The following GPLD1 variants were observed in gnomAD, a reference collection of about 807,000 sequenced individuals.
GPLD1 encodes the protein phosphatidylinositol-glycan-specific phospholipase D.
Under a neutral mutation model 112.6 loss-of-function variants are expected in GPLD1, and 84 were observed. The ratio of observed to expected loss-of-function variants is 0.75; its 90% confidence interval spans 0.63 to 0.89. The LOEUF (loss-of-function observed/expected upper bound fraction) is 0.89. Among genes scored for constraint, GPLD1 ranks in the 40% least tolerant of loss-of-function variants. The pLI, the probability that GPLD1 is intolerant of heterozygous loss-of-function variation, is 0.00. For missense variants in GPLD1, 1,044 were observed against 1,051.5 expected, an observed-to-expected ratio of 0.99 and a Z score of 0.10; for synonymous variants, 386 against 403.8, an observed-to-expected ratio of 0.96 and a Z score of 0.53.
intron 15 of GPLD1, among the ~76,000 whole-genome samples, chr6:24,449,026 A>C (rs1762998357): frequency 6.6e-6 from 1 of 152,080 alleles, no homozygotes. Context: ...CAGGATGCTA[A>C]GTGGGGACAA....
At chr6:24,463,556 C>T (rs114364430) in intron 10 of GPLD1, among the ~76,000 whole-genome samples, 2,093 of 152,310 alleles carry the variant, frequency 0.014, 23 homozygotes, top group African/African-American at 0.038. Flanking sequence ...AAAAGGTTCT[C>T]TCTTTGGACC....
At chr6:24,431,663 T>C (rs1294446441) in intron 24 of GPLD1, among the ~76,000 whole-genome samples, 4 of 151,690 alleles carry the variant, frequency 2.6e-5, no homozygotes, top group Admixed American at 6.6e-5. Flanking sequence ...GTCTCCCGAA[T>C]AGCTGAGACT....
intron 20 of GPLD1, among the ~76,000 whole-genome samples, chr6:24,438,096 T>C (rs1762637027): frequency 6.6e-6 from 1 of 152,208 alleles, no homozygotes; most frequent in African/African-American, 2.4e-5. Flanking sequence ...GGACATGAGC[T>C]GTGCCCAGTG....
intron 20 of GPLD1, among the ~76,000 whole-genome samples, chr6:24,439,767 C>T (rs1235911564): frequency 3.9e-5 from 6 of 152,218 alleles, no homozygotes; most frequent in Non-Finnish European, 8.8e-5. Flanking sequence ...AAAAGGGCTA[C>T]ATGCAGAGGC....
rs2127378795 is a variant in GPLD1 at position 24,495,038 on chromosome 6, C to T, written n.168G>A. The T allele has an allele frequency of 7.4e-7, 1 of 1,351,326 alleles. No homozygotes were observed. The allele number at this position is 1,351,326 out of a possible 1,614,324, so 83.7% of individuals were successfully genotyped here. A position where few individuals can be genotyped will look rare whatever the true frequency, so the allele number is the denominator to read the frequency against. On this transcript the variant is annotated non_coding_transcript_exon_variant, in exon 1 of 11. Coordinates refer to the GPLD1 transcript ENST00000474784. ...GGCTGCGGAGCTGTGGGGCCCGGCG[C>T]CTCGGGTCGACGTTTCCAGGCTGCC...
At chr6:24,453,896 C>A in intron 14 of GPLD1, 119 bp downstream of exon 14, 1 of 684,864 alleles carries the variant, frequency 1.5e-6, no homozygotes, top group Non-Finnish European at 2.6e-6. Context: ...AAATGTACAC[C>A]ACCAGCTGTT....
At position 24,466,700 on chromosome 6, in the gene GPLD1, G is replaced by A. The variant is rs1433385269; in HGVS notation, c.801C>T (p.Phe267=). 2 of 1,612,614 alleles carry A rather than the reference G, an allele frequency of 1.2e-6. No homozygotes were observed. The highest frequency in any genetic ancestry group is 1.7e-6 in the Non-Finnish European group (2 of 1,178,768). ...WSTNIYHLTS[F]MLENGTSDCN... ...TTCACCTGGTCCCATTCTCCAACAT[G>A]AAGCTTGTTAGATGGTAAATATTAG... Residue 267 remains phenylalanine (F), a synonymous_variant, in exon 10 of 25, where the codon TTC becomes TTT. Transcript: ENST00000230036.
At chr6:24,453,219 C>G (rs7755403) in intron 14 of GPLD1, among the ~76,000 whole-genome samples, 53,694 of 152,032 alleles carry the variant, frequency 0.35, 9,754 homozygotes, top group East Asian at 0.46. Context: ...TAGTGATGTA[C>G]AGTGTTGTTT....
At chr6:24,479,808 ATT>A (rs1764141686) in intron 3 of GPLD1, 71 bp downstream of exon 3, 2 of 763,592 alleles carry the variant, frequency 2.6e-6, no homozygotes, top group Non-Finnish European at 4.7e-6. Flanking sequence ...ATATATATAT[ATT>A]TTTAAAGTCA....
chr6:24,493,096 G>T (rs142083878), upstream of GPLD1, among the ~76,000 whole-genome samples: 90 of 152,242 alleles, frequency 5.9e-4, no homozygotes, highest in African/African-American at 2.1e-3. Context: ...ACCTTAAAAA[G>T]GTAAGTGGGC....
intron 12 of GPLD1, among the ~76,000 whole-genome samples, chr6:24,459,659 T>G (rs1325114735): frequency 6.6e-6 from 1 of 152,218 alleles, no homozygotes; most frequent in African/African-American, 2.4e-5. Context: ...ACTGAAATTT[T>G]TTAAGGGTCA....
chr6:24,436,022 C>T (rs998960200), intron 22 of GPLD1: 2 of 151,940 alleles, frequency 1.3e-5, no homozygotes, highest in African/African-American at 4.8e-5. Flanking sequence ...TTTGTGAGGC[C>T]AGGTAGAAGA....
At chr6:24,472,966 G>GACAA in intron 6 of GPLD1, 9 of 202,744 alleles carry the variant, frequency 4.4e-5, no homozygotes, top group African/African-American at 1.9e-4. Context: ...AGTAGAGGTG[G>GACAA]GGTTTCACCA....
intron 7 of GPLD1, among the ~76,000 whole-genome samples, chr6:24,469,584 C>G (rs1471143988): frequency 2.7e-5 from 3 of 109,292 alleles, no homozygotes; most frequent in Non-Finnish European, 5.5e-5. Context: ...ACAATGAGAT[C>G]ACATGGACAC....
At position 24,454,176 on chromosome 6, in the gene GPLD1, G is replaced by T; in HGVS notation, c.1174C>A (p.Gln392Lys). Residue 392 changes from glutamine to lysine, a missense_variant, in exon 14 of 25, where the codon CAG (glutamine) becomes AAG (lysine). By Grantham distance (53) the Gln-to-Lys change is moderately conservative. Coordinates refer to ENST00000230036, the MANE Select transcript of GPLD1 (RefSeq NM_001503.4). ...GWAMTSADLNQDGHGDLVVGA... is the reference protein window; with the variant it reads ...GWAMTSADLNKDGHGDLVVGA... ...ACCACGAGGTCACCGTGCCCATCCT[G>T]GTTGAGGTCAGCTGAGGTCATTGCC... 1 of 1,613,216 alleles carries T rather than the reference G, an allele frequency of 6.2e-7. No individual in the cohort carries two copies. The highest frequency in any genetic ancestry group is 8.5e-7 in the Non-Finnish European group (1 of 1,179,546).
At chr6:24,444,297 T>C (rs1431659894) in intron 20 of GPLD1, among the ~76,000 whole-genome samples, 3 of 152,146 alleles carry the variant, frequency 2.0e-5, no homozygotes, top group African/African-American at 7.2e-5. Context: ...TTTAGAAGAA[T>C]ATTTACTAAC....
chr6:24,456,938 T>TC (rs1763286653), intron 12 of GPLD1, among the ~76,000 whole-genome samples: 1 of 152,126 alleles, frequency 6.6e-6, no homozygotes, highest in African/African-American at 2.4e-5. Flanking sequence ...TGGCACGATC[T>TC]CAACTCACTG....
At chr6:24,469,917 T>A (rs1426410438) in intron 7 of GPLD1, among the ~76,000 whole-genome samples, 5 of 152,162 alleles carry the variant, frequency 3.3e-5, no homozygotes, top group Admixed American at 1.3e-4. Context: ...TGGAATGGCA[T>A]TCCCAATAAA....
At chr6:24,450,879 G>C (rs1020929952) in intron 14 of GPLD1, among the ~76,000 whole-genome samples, 1 of 152,068 alleles carries the variant, frequency 6.6e-6, no homozygotes, top group African/African-American at 2.4e-5. Flanking sequence ...GGCTGAGGCA[G>C]GAGAATCGCT....
Sources: allele counts gnomAD v4.1 joint callset (sites outside exome capture counted in the v4.1 genomes callset), GRCh38; gene constraint gnomAD v4.1.1; transcripts MANE v1.5; gene names NCBI Gene and HGNC (gene_info 2026-07-23, HGNC 2026-07-21).